The following MYO1D variants were observed in gnomAD, a reference collection of about 807,000 sequenced individuals.
MYO1D encodes the protein unconventional myosin-Id.
In MYO1D, 83 loss-of-function variants were observed where a neutral mutation model predicts 122.0. The observed-to-expected ratio is 0.68, with a 90% CI of 0.57 to 0.82. The LOEUF is 0.82. Among genes scored for constraint, MYO1D ranks in the 40% least tolerant of loss-of-function variants. The pLI is 0.00. For missense variants in MYO1D, 1,157 were observed against 1,269.5 expected, an observed-to-expected ratio of 0.91 and a Z score of 1.35; for synonymous variants, 464 against 446.9, an observed-to-expected ratio of 1.04 and a Z score of -0.48.
At position 32,729,166 on chromosome 17, in the gene MYO1D, A is replaced by G. The variant is rs553361939; in HGVS notation, c.1747-7977T>C. 2.0e-3 allele frequency among the ~76,000 whole-genome samples: 307 copies of G among 151,522 alleles called. 3 individuals carry two copies. Among genetic ancestry groups the G allele is most frequent in the African/African-American group, 7.3e-3 (299 of 40,816 alleles). ...AACTTTTTCACCTGTCTCTCCCTAT[A>G]TATTTTACGGGAAAAAAAACACCAT... On this transcript the variant is annotated intron_variant, in intron 14 of 21. Coordinates refer to ENST00000318217, the MANE Select transcript of MYO1D (RefSeq NM_015194.3).
At position 32,721,129 on chromosome 17, in the gene MYO1D, C is replaced by T. The variant is rs751662080; in HGVS notation, c.1807G>A (p.Asp603Asn). 14 of 1,614,066 alleles carry T rather than the reference C, an allele frequency of 8.7e-6. No individual in the cohort carries two copies. The East Asian group carries it at 2.9e-4, about 33-fold the overall frequency. ...NDKKSPQIFD[D>N]ERCRHQVEYL... The stretch of plus-strand genomic sequence containing the variant: ...TCTACTTGGTGCCGGCAGCGTTCAT[C>T]ATCAAATATCTGTGGAGATTTCTTG... The change falls in exon 15 of 22, where the codon GAT becomes AAT. Residue 603 changes from aspartate to asparagine, a missense_variant. Coordinates refer to ENST00000318217, the MANE Select transcript of MYO1D (RefSeq NM_015194.3).
chr17:32,642,442 C>A (rs376598901), intron 19 of MYO1D, among the ~76,000 whole-genome samples: 5 of 150,714 alleles, frequency 3.3e-5, no homozygotes, highest in East Asian at 2.0e-4. Flanking sequence ...ATGAACTTTA[C>A]AGTAGTTTTT....
At chr17:32,723,678 C>T (rs922394890) in intron 14 of MYO1D, among the ~76,000 whole-genome samples, 9 of 151,932 alleles carry the variant, frequency 5.9e-5, no homozygotes, top group East Asian at 1.9e-4. Flanking sequence ...TGAAGAAGCC[C>T]GGGATTAAAG....
chr17:32,551,260 T>C (rs192129336), intron 21 of MYO1D, among the ~76,000 whole-genome samples: 2 of 152,298 alleles, frequency 1.3e-5, no homozygotes, highest in East Asian at 3.9e-4. Flanking sequence ...AGGCAGTGCA[T>C]GCTCAGATCA....
chr17:32,805,824 A>G (rs1037166906), intron 1 of MYO1D, among the ~76,000 whole-genome samples: 2 of 152,164 alleles, frequency 1.3e-5, no homozygotes, highest in African/African-American at 2.4e-5. Context: ...GTTCCTTCCT[A>G]GAGTTACTCC....
chr17:32,652,521 A>C (rs1393340844), intron 19 of MYO1D, among the ~76,000 whole-genome samples: 1 of 152,176 alleles, frequency 6.6e-6, no homozygotes, highest in African/African-American at 2.4e-5. Flanking sequence ...TTTTTTAAAA[A>C]TTATAATTTC....
chr17:32,803,173 A>G (rs2470228), intron 1 of MYO1D, among the ~76,000 whole-genome samples: 74,949 of 151,788 alleles, frequency 0.49, 18,789 homozygotes, highest in East Asian at 0.72. Flanking sequence ...TTGAGACAGA[A>G]TCTTACTCTG....
At chr17:32,833,771 G>C (rs936897637) in intron 1 of MYO1D, among the ~76,000 whole-genome samples, 6 of 152,004 alleles carry the variant, frequency 3.9e-5, no homozygotes, top group African/African-American at 1.5e-4. Context: ...ACAGGTCTCT[G>C]CATCTGCTGT....
chr17:32,759,017 T>C (rs1471892560), intron 10 of MYO1D, among the ~76,000 whole-genome samples: 1 of 152,180 alleles, frequency 6.6e-6, no homozygotes, highest in East Asian at 1.9e-4. Flanking sequence ...GGAATCACAT[T>C]TGAATAACAA....
At chr17:32,659,029 C>T (rs890673143) in intron 17 of MYO1D, 86 bp downstream of exon 17, 11 of 1,236,990 alleles carry the variant, frequency 8.9e-6, no homozygotes, top group East Asian at 2.4e-5. Context: ...ATAGCTGAGT[C>T]AATATCACGG....
chr17:32,575,543 C>T (rs1320623607), intron 21 of MYO1D, among the ~76,000 whole-genome samples: 2 of 152,046 alleles, frequency 1.3e-5, no homozygotes, highest in Non-Finnish European at 2.9e-5. Flanking sequence ...TTATGGATAC[C>T]CACCTTATTA....
intron 1 of MYO1D, among the ~76,000 whole-genome samples, chr17:32,785,365 A>C (rs1307382796): frequency 6.6e-6 from 1 of 152,194 alleles, no homozygotes; most frequent in Non-Finnish European, 1.5e-5. Flanking sequence ...CTTATTCGTA[A>C]GTATTATTCA....
At chr17:32,738,122 A>G (rs1430933395) in intron 14 of MYO1D, 131 bp downstream of exon 14, 4 of 752,366 alleles carry the variant, frequency 5.3e-6, no homozygotes, top group South Asian at 7.5e-5. Flanking sequence ...AAATTCTATT[A>G]TAACATTCAC....
At chr17:32,501,566 A>G (rs1196578182) in intron 21 of MYO1D, among the ~76,000 whole-genome samples, 4 of 152,156 alleles carry the variant, frequency 2.6e-5, no homozygotes, top group Non-Finnish European at 4.4e-5. Context: ...TGGACAGCCA[A>G]TGGAGTCTCC....
chr17:32,813,458 A>G (rs7224824), intron 1 of MYO1D, among the ~76,000 whole-genome samples: 2,208 of 152,324 alleles, frequency 0.014, 44 homozygotes, highest in African/African-American at 0.048. Flanking sequence ...GTTGAAAACT[A>G]AAGAATGGGT....
At chr17:32,686,004 G>A (rs565843732) in intron 16 of MYO1D, among the ~76,000 whole-genome samples, 2 of 152,294 alleles carry the variant, frequency 1.3e-5, no homozygotes, top group South Asian at 4.1e-4. Context: ...GTTTTAGAGT[G>A]ATGTGGTAGG....
chr17:32,858,110 G>C (rs896790304), intron 1 of MYO1D, among the ~76,000 whole-genome samples: 7 of 152,030 alleles, frequency 4.6e-5, no homozygotes, highest in Admixed American at 4.6e-4. Context: ...TATGACTTTA[G>C]AGGCCACATA....
intron 1 of MYO1D, among the ~76,000 whole-genome samples, chr17:32,805,604 C>G (rs2151046316): frequency 6.6e-6 from 1 of 151,626 alleles, no homozygotes; most frequent in East Asian, 1.9e-4. Context: ...ATGAAGCAAT[C>G]AAACCATCAA....
At chr17:32,667,309 T>C (rs987313071) in intron 16 of MYO1D, among the ~76,000 whole-genome samples, 2 of 152,240 alleles carry the variant, frequency 1.3e-5, no homozygotes, top group Admixed American at 6.5e-5. Context: ...CTTCCATTTC[T>C]ATAAGGGACA....
Sources: allele counts gnomAD v4.1 joint callset (sites outside exome capture counted in the v4.1 genomes callset), GRCh38; gene constraint gnomAD v4.1.1; transcripts MANE v1.5; gene names NCBI Gene and HGNC (gene_info 2026-07-23, HGNC 2026-07-21).